KCNH1: variants seen among roughly 807,000 people sequenced by gnomAD.
The protein encoded by KCNH1 is potassium voltage-gated channel subfamily H member 1.
In KCNH1, 27 loss-of-function variants were observed where a neutral mutation model predicts 69.2. That is an observed-to-expected ratio of 0.39 (90% CI 0.29 to 0.54). The LOEUF is 0.54. Ranked by LOEUF, KCNH1 falls within the 20% of genes least tolerant of loss-of-function variation. The pLI is 0.68. For synonymous variants in KCNH1, 456 were observed against 487.7 expected (o/e 0.93, Z 0.86); for missense variants, 798 against 1,261.6 (o/e 0.63, Z 5.57).
chr1:210,771,180 T>C (rs1683746550), intron 10 of KCNH1, among the ~76,000 whole-genome samples: 1 of 152,204 alleles, frequency 6.6e-6, no homozygotes, highest in Non-Finnish European at 1.5e-5. Context: ...CCTTGCACCC[T>C]AGAGAGCCAA....
At chr1:210,834,295 A>T (rs1574284743) in intron 7 of KCNH1, among the ~76,000 whole-genome samples, 1 of 149,678 alleles carries the variant, frequency 6.7e-6, no homozygotes, top group African/African-American at 2.5e-5. Context: ...CAAATGTCCA[A>T]CAATGATAGA....
chr1:210,929,519 A>G (rs2102573777), intron 6 of KCNH1, among the ~76,000 whole-genome samples: 1 of 152,270 alleles, frequency 6.6e-6, no homozygotes, highest in African/African-American at 2.4e-5. Flanking sequence ...GCAGAGAAGG[A>G]ACACACCTTA....
intron 6 of KCNH1, among the ~76,000 whole-genome samples, chr1:211,016,933 A>T (rs1001840065): frequency 1.5e-5 from 2 of 130,430 alleles, no homozygotes; most frequent in Non-Finnish European, 3.3e-5. Flanking sequence ...TTTTAAAATT[A>T]AAAAAAAAAA....
chr1:210,876,141 A>C (rs568430582), intron 7 of KCNH1, among the ~76,000 whole-genome samples: 1 of 152,236 alleles, frequency 6.6e-6, no homozygotes, highest in Non-Finnish European at 1.5e-5. Flanking sequence ...AAATTCCAGC[A>C]TAAGGACAGT....
At chr1:211,005,212 T>C (rs1558564506) in intron 6 of KCNH1, among the ~76,000 whole-genome samples, 1 of 152,088 alleles carries the variant, frequency 6.6e-6, no homozygotes, top group African/African-American at 2.4e-5. Flanking sequence ...AAATTCAGCT[T>C]ACAGAAATTG....
intron 7 of KCNH1, among the ~76,000 whole-genome samples, chr1:210,840,120 A>G (rs1685374174): frequency 6.6e-6 from 1 of 152,222 alleles, no homozygotes; most frequent in South Asian, 2.1e-4. Context: ...GTCAAAGACA[A>G]AATGTCTCTC....
At chr1:210,858,961 T>TC (rs950703706) in intron 7 of KCNH1, 11 of 384,474 alleles carry the variant, frequency 2.9e-5, no homozygotes, top group Non-Finnish European at 2.4e-5. Flanking sequence ...GTACCTCCAA[T>TC]CCCCCCCACC....
At chr1:211,065,906 G>T (rs1402361933) in intron 5 of KCNH1, among the ~76,000 whole-genome samples, 3 of 151,834 alleles carry the variant, frequency 2.0e-5, no homozygotes, top group Admixed American at 2.0e-4. Flanking sequence ...ACAAAAAAAT[G>T]GAAAAATTAG....
chr1:210,806,836 A>AAAATATATATAT (rs1553346591), intron 7 of KCNH1, among the ~76,000 whole-genome samples: 1 of 85,654 alleles, frequency 1.2e-5, no homozygotes, highest in Non-Finnish European at 2.2e-5. Context: ...AAAAAAAAAA[A>AAAATATATATAT]ATATATATAT....
intron 10 of KCNH1, among the ~76,000 whole-genome samples, chr1:210,765,625 A>G (rs1349517571): frequency 1.3e-5 from 2 of 152,216 alleles, no homozygotes; most frequent in African/African-American, 4.8e-5. Flanking sequence ...GTATCTGCAG[A>G]GGCTGAGAGA....
chr1:211,051,460 A>G (rs1057296295), intron 5 of KCNH1, among the ~76,000 whole-genome samples: 1 of 107,588 alleles, frequency 9.3e-6, no homozygotes, highest in African/African-American at 3.7e-5. Flanking sequence ...GCAGCTGGAA[A>G]GGCCTCAAAG....
At chr1:211,051,273 C>T (rs1690200627) in intron 5 of KCNH1, among the ~76,000 whole-genome samples, 1 of 152,156 alleles carries the variant, frequency 6.6e-6, no homozygotes, top group South Asian at 2.1e-4. Context: ...TCTGTGATTA[C>T]AGGCGTGAGC....
chr1:211,118,807 A>G (rs1050638395), intron 1 of KCNH1, among the ~76,000 whole-genome samples: 1 of 152,158 alleles, frequency 6.6e-6, no homozygotes, highest in East Asian at 1.9e-4. Context: ...AATTACGACA[A>G]ATAACAAAGG....
At chr1:210,827,731 T>C (rs1417954361) in intron 7 of KCNH1, among the ~76,000 whole-genome samples, 2 of 152,164 alleles carry the variant, frequency 1.3e-5, no homozygotes, top group Non-Finnish European at 2.9e-5. Context: ...GTTAGGAGCA[T>C]AGCTTTGGGG....
At chr1:210,827,356 A>T (rs941338590) in intron 7 of KCNH1, among the ~76,000 whole-genome samples, 1 of 151,574 alleles carries the variant, frequency 6.6e-6, no homozygotes, top group African/African-American at 2.4e-5. Context: ...AAAAAGAAAA[A>T]AAAGAAATAT....
At chr1:211,002,498 T>A (rs7556549) in intron 6 of KCNH1, among the ~76,000 whole-genome samples, 13,968 of 151,690 alleles carry the variant, frequency 0.092, 1,838 homozygotes, top group African/African-American at 0.29. Context: ...AACAATAGAA[T>A]ACTATAGGAT....
chr1:210,771,396 G>C (rs1035456187), intron 10 of KCNH1, among the ~76,000 whole-genome samples: 1 of 152,172 alleles, frequency 6.6e-6, no homozygotes, highest in African/African-American at 2.4e-5. Context: ...CCTCTTCACT[G>C]TCAGGAGCTG....
intron 10 of KCNH1, among the ~76,000 whole-genome samples, chr1:210,738,012 G>A (rs749045413): frequency 6.6e-6 from 1 of 152,146 alleles, no homozygotes; most frequent in Non-Finnish European, 1.5e-5. Context: ...CAAAGTCCAT[G>A]CATTGGCCTG....
intron 7 of KCNH1, among the ~76,000 whole-genome samples, chr1:210,837,954 A>T (rs1303256430): frequency 6.6e-6 from 1 of 152,210 alleles, no homozygotes; most frequent in South Asian, 2.1e-4. Context: ...TTCCTGTTCA[A>T]CTACCACTGA....
Sources: gnomAD v4.1 joint callset for allele counts (sites outside exome capture counted in the v4.1 genomes callset) on GRCh38, gnomAD v4.1.1 for gene constraint, MANE v1.5 for transcripts, NCBI Gene and HGNC (gene_info 2026-07-23, HGNC 2026-07-21) for gene names.